The following ITGA8 variants were observed in gnomAD, a reference collection of about 807,000 sequenced individuals.
ITGA8 encodes integrin alpha-8.
Under a neutral mutation model 142.3 loss-of-function variants are expected in ITGA8, and 91 were observed. That is an observed-to-expected ratio of 0.64 (90% CI 0.54 to 0.76). The LOEUF (loss-of-function observed/expected upper bound fraction) is 0.76. Among genes scored for constraint, ITGA8 ranks in the 30% least tolerant of loss-of-function variants. ITGA8 has a pLI of 0.00. For missense variants in ITGA8, 1,406 were observed against 1,327.7 expected (o/e 1.06, Z -0.92); for synonymous variants, 505 against 485.2 (o/e 1.04, Z -0.54).
At chr10:15,544,043 C>T (rs1214444070) in intron 27 of ITGA8, among the ~76,000 whole-genome samples, 3 of 152,100 alleles carry the variant, frequency 2.0e-5, no homozygotes, top group Non-Finnish European at 4.4e-5. Context: ...GCGGCTAAGC[C>T]CAGTGCTTTG....
At chr10:15,681,510 A>AC (rs1834736734) in intron 4 of ITGA8, among the ~76,000 whole-genome samples, 1 of 152,208 alleles carries the variant, frequency 6.6e-6, no homozygotes, top group Admixed American at 6.5e-5. Context: ...ATGCAAATGT[A>AC]CATTAGTGTA....
intron 8 of ITGA8, among the ~76,000 whole-genome samples, chr10:15,661,795 A>G (rs1056350989): frequency 6.6e-6 from 1 of 152,226 alleles, no homozygotes; most frequent in African/African-American, 2.4e-5. Context: ...CAGGGGAAGC[A>G]TGCTCTTGAA....
intron 13 of ITGA8, among the ~76,000 whole-genome samples, chr10:15,629,234 T>C (rs1379621882): frequency 6.6e-6 from 1 of 151,948 alleles, no homozygotes; most frequent in East Asian, 1.9e-4. Flanking sequence ...CGTTTTTGGT[T>C]CCTGAACGAG....
At chr10:15,661,438 G>A (rs1834285828) in intron 8 of ITGA8, among the ~76,000 whole-genome samples, 2 of 152,144 alleles carry the variant, frequency 1.3e-5, no homozygotes, top group African/African-American at 4.8e-5. Context: ...TTGAAGCCAG[G>A]GCTTTGCGTT....
intron 11 of ITGA8, among the ~76,000 whole-genome samples, chr10:15,650,844 T>C (rs1834072101): frequency 6.6e-6 from 1 of 152,196 alleles, no homozygotes; most frequent in African/African-American, 2.4e-5. Flanking sequence ...ACCTAATTGA[T>C]AGGCAAGAGC....
Position 15,605,807 on chromosome 10 carries a change from G to T in ITGA8, c.1903-16C>A. On this transcript the variant is annotated splice_polypyrimidine_tract_variant and intron_variant, in intron 18 of 29. Coordinates refer to ENST00000378076, the MANE Select transcript of ITGA8 (RefSeq NM_003638.3). The stretch of plus-strand genomic sequence containing the variant: ...GAATGTGAGCCTGTGTTGTATAAAC[G>T]CACGTCAGGAACAATCTAGGAAAAT... The T allele has an allele frequency of 3.7e-6, 6 of 1,610,596 alleles. No homozygotes were observed. The highest frequency in any genetic ancestry group is 4.2e-6 in the Non-Finnish European group (5 of 1,177,024).
chr10:15,554,008 A>C (rs1348994227), intron 26 of ITGA8, among the ~76,000 whole-genome samples: 1 of 152,120 alleles, frequency 6.6e-6, no homozygotes, highest in African/African-American at 2.4e-5. Context: ...AAAAAAAAAA[A>C]GTTATCCATA....
chr10:15,660,631 T>G (rs1834267105), intron 9 of ITGA8, among the ~76,000 whole-genome samples: 1 of 152,240 alleles, frequency 6.6e-6, no homozygotes, highest in African/African-American at 2.4e-5. Flanking sequence ...TGCGATATGA[T>G]GCTCTTACTT....
intron 27 of ITGA8, among the ~76,000 whole-genome samples, chr10:15,531,430 C>T (rs1438996289): frequency 1.7e-5 from 2 of 120,708 alleles, no homozygotes; most frequent in East Asian, 3.9e-4. Flanking sequence ...ATCCATTTAT[C>T]TTCTTCCTAT....
At chr10:15,535,660 C>T (rs1056263876) in intron 27 of ITGA8, among the ~76,000 whole-genome samples, 12 of 152,044 alleles carry the variant, frequency 7.9e-5, no homozygotes, top group Non-Finnish European at 1.5e-4. Flanking sequence ...GGATTGTAAA[C>T]GCACCAATCA....
At chr10:15,689,536 C>T (rs1834894909) in intron 2 of ITGA8, among the ~76,000 whole-genome samples, 2 of 152,194 alleles carry the variant, frequency 1.3e-5, no homozygotes, top group Admixed American at 1.3e-4. Context: ...CTGCAGTCCT[C>T]ACAAGCCCTG....
chr10:15,686,957 C>A lies in ITGA8; in HGVS notation c.444+981G>T, dbSNP rs536709681. On this transcript the variant is annotated intron_variant, in intron 3 of 29. Coordinates refer to ENST00000378076, the MANE Select transcript of ITGA8 (RefSeq NM_003638.3). ...TCCAAAAGATTTTTAAAGCCCCAAACAGTTATTACAGAGTTAATTTTTCAA... is the reference window on the plus strand; with the variant it reads ...TCCAAAAGATTTTTAAAGCCCCAAAAAGTTATTACAGAGTTAATTTTTCAA... Among the ~76,000 whole-genome samples, 7 of 152,224 alleles carry A rather than the reference C, an allele frequency of 4.6e-5. No homozygotes were observed. In the East Asian group the frequency reaches 1.4e-3, roughly 29 times the overall value.
At position 15,667,240 on chromosome 10, in the gene ITGA8, G is replaced by C. The variant is rs1224463860; in HGVS notation, c.847+4363C>G. ...AGAGATTCAACTTCTTTCTGGTTTA[G>C]TCTTGGGATGATGTATGTGTTGAGG... is the stretch of plus-strand genomic sequence containing the variant. On this transcript the variant is annotated intron_variant, in intron 8 of 29. Transcript: ENST00000378076. Among the ~76,000 whole-genome samples, 3 of 152,134 alleles carry C rather than the reference G, an allele frequency of 2.0e-5. No individual in the cohort carries two copies. In the East Asian group the frequency reaches 5.8e-4, roughly 29 times the overall value.
intron 13 of ITGA8, among the ~76,000 whole-genome samples, chr10:15,641,176 C>G (rs1833865695): frequency 1.3e-5 from 2 of 152,164 alleles, no homozygotes; most frequent in Non-Finnish European, 2.9e-5. Context: ...GCCTCAGCTG[C>G]CTGCGTAGCT....
At chr10:15,633,409 T>C (rs896273049) in intron 13 of ITGA8, among the ~76,000 whole-genome samples, 5 of 152,166 alleles carry the variant, frequency 3.3e-5, no homozygotes, top group Non-Finnish European at 7.3e-5. Context: ...TCAACATTAA[T>C]TATTTTATGC....
intron 2 of ITGA8, among the ~76,000 whole-genome samples, chr10:15,705,121 A>G (rs1223280316): frequency 1.3e-5 from 2 of 152,156 alleles, no homozygotes; most frequent in Non-Finnish European, 2.9e-5. Context: ...AGAGGAAATT[A>G]TTCTATGGGA....
intron 1 of ITGA8, 28 bp downstream of exon 1, chr10:15,719,535 G>C: frequency 6.6e-7 from 1 of 1,520,454 alleles, no homozygotes; most frequent in South Asian, 1.3e-5. Context: ...TCGTCCCCGC[G>C]CGCACCTCCC....
intron 13 of ITGA8, among the ~76,000 whole-genome samples, chr10:15,617,642 A>C (rs1037580989): frequency 1.3e-5 from 2 of 151,620 alleles, no homozygotes; most frequent in Non-Finnish European, 2.9e-5. Context: ...CTCATGATCC[A>C]CCCGCCTCGG....
chr10:15,709,086 A>G (rs1260060615), intron 2 of ITGA8, among the ~76,000 whole-genome samples: 5 of 152,218 alleles, frequency 3.3e-5, no homozygotes, highest in Admixed American at 3.3e-4. Context: ...CAATAGGTTG[A>G]TTTCGTTTGT....
Sources: allele counts gnomAD v4.1 joint callset (sites outside exome capture counted in the v4.1 genomes callset), GRCh38; gene constraint gnomAD v4.1.1; transcripts MANE v1.5; gene names NCBI Gene and HGNC (gene_info 2026-07-23, HGNC 2026-07-21).